PWWP2B: variants seen among roughly 807,000 people sequenced by gnomAD.
PWWP2B encodes the protein PWWP domain containing 2B.
A neutral mutation model predicts 15.5 loss-of-function variants in PWWP2B; 9 were observed. The observed-to-expected ratio is 0.58, with a 90% CI of 0.35 to 1.02. The LOEUF (loss-of-function observed/expected upper bound fraction) is 1.02. Ranked by LOEUF, PWWP2B falls within the 50% of genes least tolerant of loss-of-function variation. The pLI is 0.02. For synonymous variants in PWWP2B, 474 were observed against 403.6 expected, an observed-to-expected ratio of 1.17 and a Z score of -2.09; for missense variants, 864 against 865.3, an observed-to-expected ratio of 1.00 and a Z score of 0.02.
intron 1 of PWWP2B, among the ~76,000 whole-genome samples, chr10:132,398,342 T>C (rs1308129015): frequency 6.6e-6 from 1 of 152,218 alleles, no homozygotes; most frequent in Non-Finnish European, 1.5e-5. Flanking sequence ...GGCTCCCGTG[T>C]GGTTCCTGCC....
intron 1 of PWWP2B, among the ~76,000 whole-genome samples, 168 bp downstream of exon 1, chr10:132,397,519 CG>C (rs1269942148): frequency 1.4e-5 from 2 of 145,374 alleles, no homozygotes; most frequent in Admixed American, 6.8e-5. Context: ...GGCCGCCACT[CG>C]GGGGGGCAAA....
intron 2 of PWWP2B, among the ~76,000 whole-genome samples, chr10:132,410,916 C>G (rs945853889): frequency 6.6e-6 from 1 of 152,180 alleles, no homozygotes; most frequent in African/African-American, 2.4e-5. Flanking sequence ...GGGCCCAACC[C>G]TTTCCCCTCC....
At chr10:132,406,315 TC>T (rs1441234195) in intron 2 of PWWP2B, 26 bp downstream of exon 2, 1 of 1,553,386 alleles carries the variant, frequency 6.4e-7, no homozygotes, top group Non-Finnish European at 8.8e-7. Flanking sequence ...GCAGCCTCCT[TC>T]CCCCCAGCGG....
At chr10:132,397,518 T>G (rs971664294) in intron 1 of PWWP2B, among the ~76,000 whole-genome samples, 167 bp downstream of exon 1, 3 of 146,352 alleles carry the variant, frequency 2.0e-5, no homozygotes, top group Non-Finnish European at 4.5e-5. Flanking sequence ...CGGCCGCCAC[T>G]CGGGGGGGCA....
chr10:132,417,126 G>A lies in PWWP2B; in HGVS notation c.*82G>A, dbSNP rs2069869758. The stretch of plus-strand genomic sequence containing the variant: ...CGATCTCTGTTCGGGGACCCTGTGA[G>A]CCTTCTGGCCGGCTGCGTGCAGAGC... On this transcript the variant is annotated 3_prime_UTR_variant, in exon 3 of 3. Coordinates refer to ENST00000305233, the MANE Select transcript of PWWP2B (RefSeq NM_138499.4). 2 of 1,611,238 alleles carry A rather than the reference G, an allele frequency of 1.2e-6. No homozygotes were observed. The highest frequency in any genetic ancestry group is 1.7e-5 in the Admixed American group (1 of 60,004).
At chr10:132,416,329 C>T (rs559024111) in intron 2 of PWWP2B, among the ~76,000 whole-genome samples, 38 of 152,262 alleles carry the variant, frequency 2.5e-4, no homozygotes, top group Admixed American at 5.9e-4. Flanking sequence ...CTCCACCCAC[C>T]GGCTGGTGGA....
Position 132,405,694 on chromosome 10 carries a change from A to G in PWWP2B, c.1194A>G (p.Pro398=), listed in dbSNP as rs1459418545. ...DDDFKSCPQG[P]QGREGLAFLV... ...ACTTCAAGAGCTGTCCCCAGGGTCC[A>G]CAGGGACGCGAGGGCTTGGCTTTTC... is the stretch of plus-strand genomic sequence containing the variant. Residue 398 remains proline (P), a synonymous_variant, in exon 2 of 3, where the codon CCA becomes CCG. Coordinates refer to ENST00000305233, the MANE Select transcript of PWWP2B (RefSeq NM_138499.4). 3.7e-6 allele frequency: 6 copies of G among 1,612,202 alleles called. No homozygotes were observed. The highest frequency in any genetic ancestry group is 3.3e-4 in the Middle Eastern group (2 of 6,062).
chr10:132,411,756 CG>C (rs1217432294), intron 2 of PWWP2B, among the ~76,000 whole-genome samples: 6 of 152,362 alleles, frequency 3.9e-5, no homozygotes, highest in Admixed American at 1.3e-4. Context: ...CTGGAGTCTC[CG>C]GGCCAGAAGC....
rs530668397 is a variant in PWWP2B, at chr10:132,417,298, C to T, written c.*254C>T. 3.7e-4 allele frequency: 211 copies of T among 567,346 alleles called. No individual in the cohort carries two copies. Among genetic ancestry groups the T allele is most frequent in the Non-Finnish European group, 5.4e-4 (172 of 319,554 alleles). The allele number at this position is 567,346 out of a possible 1,614,324, so 35.1% of individuals were successfully genotyped here. ...CGCATGGCTGCCCTGGCTCACGAGG[C>T]AGTCGGGACTCGTGACTTGCTGGCT... On this transcript the variant is annotated 3_prime_UTR_variant, in exon 3 of 3. Transcript: ENST00000305233.
intron 2 of PWWP2B, among the ~76,000 whole-genome samples, chr10:132,414,219 C>T (rs1590766657): frequency 6.6e-6 from 1 of 152,326 alleles, no homozygotes; most frequent in East Asian, 1.9e-4. Flanking sequence ...TGTCTCCTCC[C>T]AAGGCCCGTT....
chr10:132,408,596 G>C (rs1475847076), intron 2 of PWWP2B, among the ~76,000 whole-genome samples: 1 of 152,224 alleles, frequency 6.6e-6, no homozygotes, highest in Non-Finnish European at 1.5e-5. Context: ...ACCCTGGCCT[G>C]GCCCCAGCCG....
chr10:132,403,727 C>T (rs966527036), intron 1 of PWWP2B, among the ~76,000 whole-genome samples: 4 of 152,260 alleles, frequency 2.6e-5, no homozygotes, highest in African/African-American at 9.6e-5. Context: ...AAGGCCTTTA[C>T]AACTGGGATT....
intron 2 of PWWP2B, among the ~76,000 whole-genome samples, chr10:132,407,779 C>T (rs939442633): frequency 5.9e-5 from 9 of 152,200 alleles, no homozygotes; most frequent in Admixed American, 6.5e-5. Flanking sequence ...GCCTTGTTGG[C>T]GAGTGGGTGT....
In PWWP2B at chr10:132,412,751, AC is replaced by A. The variant is rs1288011113; in HGVS notation, c.*17-4304del. ...TGGCACTGCACCAAGACTTGCGGCCACCCCCCGCTTGCAGAGAATTCTCATG... is the reference window on the plus strand; with the variant it reads ...TGGCACTGCACCAAGACTTGCGGCCACCCCCGCTTGCAGAGAATTCTCATG... On this transcript the variant is annotated intron_variant, in intron 2 of 2. Coordinates refer to ENST00000305233, the MANE Select transcript of PWWP2B (RefSeq NM_138499.4). Among the ~76,000 whole-genome samples the A allele has an allele frequency of 2.6e-5, 4 of 151,822 alleles. 1 individual carries two copies.
At chr10:132,401,053 T>C (rs1200439310) in intron 1 of PWWP2B, among the ~76,000 whole-genome samples, 3 of 152,162 alleles carry the variant, frequency 2.0e-5, no homozygotes, top group African/African-American at 7.2e-5. Context: ...GCCTGGGCCT[T>C]TCTGGGAGTT....
chr10:132,406,846 C>T (rs2069706905), intron 2 of PWWP2B, among the ~76,000 whole-genome samples: 1 of 152,196 alleles, frequency 6.6e-6, no homozygotes. Context: ...CAGCCCTGCC[C>T]CCTGTGACCC....
chr10:132,405,261 A>G lies in PWWP2B; in HGVS notation c.761A>G (p.Lys254Arg), dbSNP rs780711358. Residue 254 changes from lysine (K) to arginine (R), a missense_variant, in exon 2 of 3, where the codon AAG becomes AGG. Coordinates refer to ENST00000305233, the MANE Select transcript of PWWP2B (RefSeq NM_138499.4). ...CAGGTCCCGCGGAGCCCGGTCATCA[A>G]GATCTCCTACAGCACGCCCCAGGGC... ...AEQVPRSPVI[K>R]ISYSTPQGKG... 6.2e-7 allele frequency: 1 copy of G among 1,611,268 alleles called. No homozygotes were observed. The highest frequency in any genetic ancestry group is 2.2e-5 in the East Asian group (1 of 44,814).
At chr10:132,409,020 C>T (rs1451654155) in intron 2 of PWWP2B, among the ~76,000 whole-genome samples, 3 of 152,242 alleles carry the variant, frequency 2.0e-5, no homozygotes, top group Non-Finnish European at 2.9e-5. Flanking sequence ...GCTGGGCTGG[C>T]CTCCTGTGCA....
rs2069690627 is a variant in PWWP2B, at chr10:132,405,843, C to A, written c.1343C>A (p.Pro448His). The A allele has an allele frequency of 1.2e-6, 2 of 1,610,482 alleles. No homozygotes were observed. Among genetic ancestry groups the A allele is most frequent in the Non-Finnish European group, 1.7e-6 (2 of 1,179,328 alleles). The change falls in exon 2 of 3, where the codon CCT becomes CAT. Residue 448 changes from proline (P) to histidine (H), a missense_variant. Transcript: ENST00000305233. ...CCGGCAGACACGGGTGACCTCTCGC[C>A]TGGCCACGGCGCGTCAGCGCCCTCG... ...GTPADTGDLS[P>H]GHGASAPSVS...
Sources: allele counts gnomAD v4.1 joint callset (sites outside exome capture counted in the v4.1 genomes callset), GRCh38; gene constraint gnomAD v4.1.1; transcripts MANE v1.5; gene names NCBI Gene and HGNC (gene_info 2026-07-23, HGNC 2026-07-21).